The following CD247 variants were observed in gnomAD, a reference collection of about 807,000 sequenced individuals.
CD247 encodes the protein CD247 molecule.
Under a neutral mutation model 30.0 loss-of-function variants are expected in CD247, and 13 were observed. The observed-to-expected ratio is 0.43, with a 90% CI of 0.28 to 0.69. The LOEUF (loss-of-function observed/expected upper bound fraction) is 0.69. Ranked by LOEUF, CD247 falls within the 30% of genes least tolerant of loss-of-function variation. The probability of loss-of-function intolerance (pLI) is 0.16; values close to 1 mark genes in which losing one functional copy is unlikely to be tolerated. For missense variants in CD247, 193 were observed against 212.6 expected (o/e 0.91, Z 0.57); for synonymous variants, 72 against 80.0 (o/e 0.90, Z 0.53).
At chr1:167,488,887 G>A (rs1558022700) in intron 1 of CD247, among the ~76,000 whole-genome samples, 1 of 152,340 alleles carries the variant, frequency 6.6e-6, no homozygotes, top group East Asian at 1.9e-4. Flanking sequence ...ACCCAGGGAA[G>A]CGAGGGTGTG....
chr1:167,456,325 G>A (rs536204742), intron 1 of CD247, among the ~76,000 whole-genome samples: 9 of 152,338 alleles, frequency 5.9e-5, no homozygotes, highest in Admixed American at 5.2e-4. Context: ...CGGTACGGAG[G>A]GAAGTGGCTG....
chr1:167,438,571 G>C lies in CD247; in HGVS notation c.299C>G (p.Pro100Arg). Reference sequence around the variant, plus strand: ...ACAGGAAGGTAGAGGAACCCCTACCGGCTTTCCCCCCATCTCAGGGTCCCG... The same window carrying C: ...ACAGGAAGGTAGAGGAACCCCTACCCGCTTTCCCCCCATCTCAGGGTCCCG... The part of the protein sequence containing the change: ...RGRDPEMGGK[P>R]QRRKNPQEGL... Residue 100 changes from proline (P) to arginine (R), a missense_variant and splice_region_variant, in exon 4 of 8, where the codon CCG becomes CGG. Physicochemically the swap from Pro to Arg is moderately radical, Grantham distance 103. Coordinates refer to ENST00000362089, the MANE Select transcript of CD247 (RefSeq NM_198053.3). 5 of 1,613,010 alleles carry C rather than the reference G, an allele frequency of 3.1e-6. No homozygotes were observed. The highest frequency in any genetic ancestry group is 4.2e-6 in the Non-Finnish European group (5 of 1,178,988).
chr1:167,476,381 T>C (rs1161651224), intron 1 of CD247, among the ~76,000 whole-genome samples: 1 of 152,188 alleles, frequency 6.6e-6, no homozygotes, highest in Non-Finnish European at 1.5e-5. Context: ...TGTCATGTCT[T>C]ACTTAGCTGC....
chr1:167,501,116 G>A (rs988939784), intron 1 of CD247, among the ~76,000 whole-genome samples: 5 of 149,122 alleles, frequency 3.4e-5, no homozygotes, highest in Middle Eastern at 3.2e-3. Context: ...GTGCAATGGC[G>A]CGATCTCGGC....
intron 1 of CD247, among the ~76,000 whole-genome samples, chr1:167,453,821 G>A (rs184880447): frequency 8.3e-4 from 126 of 152,226 alleles, no homozygotes; most frequent in African/African-American, 2.7e-3. Flanking sequence ...TTAGCTGGGT[G>A]TGGTGGCACA....
intron 1 of CD247, among the ~76,000 whole-genome samples, chr1:167,471,806 CT>C (rs369666520): frequency 0.025 from 2,977 of 120,306 alleles, 109 homozygotes; most frequent in African/African-American, 0.083. Flanking sequence ...AAAGTGATTT[CT>C]TTTTTTTTTC....
intron 1 of CD247, among the ~76,000 whole-genome samples, chr1:167,448,069 G>A (rs1652178729): frequency 6.6e-6 from 1 of 152,118 alleles, no homozygotes; most frequent in South Asian, 2.1e-4. Flanking sequence ...TCAGTGGGTT[G>A]CTCCCTTTCA....
chr1:167,439,444 C>A, intron 2 of CD247, 44 bp from the exon 3 acceptor site: 1 of 1,600,832 alleles, frequency 6.2e-7, no homozygotes, highest in Non-Finnish European at 8.6e-7. Context: ...CGCGAGGGCG[C>A]GCAGGGGAGC....
Position 167,440,783 on chromosome 1 carries a change from A to AAGCT in CD247, c.59-20_59-17dup. 6.3e-7 allele frequency: 1 copy of AAGCT among 1,587,048 alleles called. No individual in the cohort carries two copies. Among genetic ancestry groups the AAGCT allele is most frequent in the Non-Finnish European group, 8.6e-7 (1 of 1,157,320 alleles). On this transcript the variant is annotated splice_polypyrimidine_tract_variant and intron_variant, in intron 1 of 7. Coordinates refer to ENST00000362089, the MANE Select transcript of CD247 (RefSeq NM_198053.3). Reference sequence around the variant, plus strand: ...CTCTGTGCCTCTGTGCCAAGAGATAAAGCTGGTCAGCCAGGCCCAAGGTGA... The same window carrying AAGCT: ...CTCTGTGCCTCTGTGCCAAGAGATAAAGCTAGCTGGTCAGCCAGGCCCAAGGTGA...
At chr1:167,443,858 G>C (rs1054499988) in intron 1 of CD247, among the ~76,000 whole-genome samples, 1 of 152,138 alleles carries the variant, frequency 6.6e-6, no homozygotes, top group African/African-American at 2.4e-5. Flanking sequence ...CCTCTCCTCG[G>C]TCCCACTATA....
chr1:167,511,787 C>G (rs754784599), intron 1 of CD247, among the ~76,000 whole-genome samples: 5 of 151,952 alleles, frequency 3.3e-5, no homozygotes, highest in African/African-American at 4.8e-5. Flanking sequence ...ACGAGGGCCC[C>G]GAGAAACCAT....
chr1:167,460,865 G>A (rs1652975692), intron 1 of CD247, among the ~76,000 whole-genome samples: 1 of 152,180 alleles, frequency 6.6e-6, no homozygotes, highest in African/African-American at 2.4e-5. Flanking sequence ...AGACACCAGG[G>A]GGACAGGGCA....
chr1:167,462,899 C>G (rs1653085939), intron 1 of CD247, among the ~76,000 whole-genome samples: 1 of 152,252 alleles, frequency 6.6e-6, no homozygotes, highest in Admixed American at 6.5e-5. Context: ...TTAATTCCCT[C>G]CCACCAGCCT....
intron 1 of CD247, among the ~76,000 whole-genome samples, chr1:167,458,197 A>T (rs190566657): frequency 3.1e-4 from 47 of 152,342 alleles, no homozygotes; most frequent in African/African-American, 1.1e-3. Flanking sequence ...GGTCATCAGG[A>T]GAAAGCTACT....
chr1:167,455,739 C>A (rs866584484), intron 1 of CD247, among the ~76,000 whole-genome samples: 3 of 152,172 alleles, frequency 2.0e-5, no homozygotes, highest in African/African-American at 7.2e-5. Flanking sequence ...GAGACCAGGG[C>A]GTGGATCTGC....
chr1:167,508,441 T>C (rs1446230400), intron 1 of CD247, among the ~76,000 whole-genome samples: 1 of 152,214 alleles, frequency 6.6e-6, no homozygotes, highest in Non-Finnish European at 1.5e-5. Flanking sequence ...TACAATTATT[T>C]GACTTTCTGA....
At chr1:167,449,255 C>G (rs905418389) in intron 1 of CD247, among the ~76,000 whole-genome samples, 1 of 147,418 alleles carries the variant, frequency 6.8e-6, no homozygotes, top group Non-Finnish European at 1.5e-5. Context: ...CAGGTTCAAG[C>G]GATTCTCCTG....
intron 1 of CD247, among the ~76,000 whole-genome samples, chr1:167,465,241 C>T (rs556487006): frequency 6.6e-6 from 1 of 152,228 alleles, no homozygotes; most frequent in African/African-American, 2.4e-5. Flanking sequence ...AACCTGCCTC[C>T]AGTGGCCAGT....
chr1:167,486,714 GA>G (rs1172323141), intron 1 of CD247, among the ~76,000 whole-genome samples: 4 of 152,092 alleles, frequency 2.6e-5, no homozygotes, highest in Admixed American at 2.6e-4. Flanking sequence ...CAACCCCCAG[GA>G]AAGAGCTCTG....
Sources: allele counts gnomAD v4.1 joint callset (sites outside exome capture counted in the v4.1 genomes callset), GRCh38; gene constraint gnomAD v4.1.1; transcripts MANE v1.5; gene names NCBI Gene and HGNC (gene_info 2026-07-23, HGNC 2026-07-21).